NKAIN3: variants seen among roughly 807,000 people sequenced by gnomAD.
The protein encoded by NKAIN3 is sodium/potassium transporting ATPase interacting 3, also known as sodium/potassium-transporting ATPase subunit beta-1-interacting protein 3.
Under a neutral mutation model 30.2 loss-of-function variants are expected in NKAIN3, and 25 were observed. That is an observed-to-expected ratio of 0.83 (90% confidence interval 0.60 to 1.16). The LOEUF (loss-of-function observed/expected upper bound fraction) is 1.16. Among genes scored for constraint, NKAIN3 ranks in the 50% most tolerant of loss-of-function variants. The probability of loss-of-function intolerance (pLI) is 0.00; values close to 1 mark genes in which losing one functional copy is unlikely to be tolerated. For missense variants in NKAIN3, 225 were observed against 254.1 expected, an observed-to-expected ratio of 0.89 and a Z score of 0.78; for synonymous variants, 91 against 89.6, an observed-to-expected ratio of 1.02 and a Z score of -0.09.
At chr8:62,851,565 C>T (rs1819898967) in intron 4 of NKAIN3, among the ~76,000 whole-genome samples, 1 of 152,058 alleles carries the variant, frequency 6.6e-6, no homozygotes, top group Non-Finnish European at 1.5e-5. Context: ...CCAGGTTTTG[C>T]CCATTCAATA....
chr8:62,264,387 C>T (rs2129390593), intron 1 of NKAIN3, among the ~76,000 whole-genome samples: 1 of 152,246 alleles, frequency 6.6e-6, no homozygotes, highest in East Asian at 1.9e-4. Context: ...AGTTGGTATC[C>T]ATTAAAACAT....
chr8:62,621,991 G>A (rs1586018649), intron 3 of NKAIN3, among the ~76,000 whole-genome samples: 1 of 151,966 alleles, frequency 6.6e-6, no homozygotes, highest in African/African-American at 2.4e-5. Flanking sequence ...AACCAAAAAT[G>A]TATCCTACAT....
chr8:62,415,596 G>A (rs955023636), intron 1 of NKAIN3, among the ~76,000 whole-genome samples: 4 of 150,866 alleles, frequency 2.7e-5, no homozygotes, highest in Admixed American at 6.6e-5. Context: ...TACATATTAC[G>A]GATGATTTAA....
chr8:62,714,723 G>A (rs576811490), intron 3 of NKAIN3, among the ~76,000 whole-genome samples: 1 of 152,280 alleles, frequency 6.6e-6, no homozygotes, highest in African/African-American at 2.4e-5. Context: ...GTATGAAATA[G>A]GTGCAATTTT....
intron 1 of NKAIN3, among the ~76,000 whole-genome samples, chr8:62,276,129 G>A (rs926993482): frequency 9.2e-5 from 14 of 151,976 alleles, no homozygotes; most frequent in African/African-American, 1.7e-4. Context: ...GCAGTGGTGC[G>A]ATCTCAGCTC....
intron 4 of NKAIN3, among the ~76,000 whole-genome samples, chr8:62,911,714 C>T (rs2130850186): frequency 6.6e-6 from 1 of 152,100 alleles, no homozygotes; most frequent in South Asian, 2.1e-4. Context: ...CCCAAACTTA[C>T]TGAACTATTT....
intron 5 of NKAIN3, among the ~76,000 whole-genome samples, chr8:62,942,896 A>C (rs1190605817): frequency 6.6e-6 from 1 of 152,196 alleles, no homozygotes; most frequent in East Asian, 1.9e-4. Flanking sequence ...AAGATGAATC[A>C]AAGAATTAAA....
chr8:62,529,054 C>A (rs564190129), intron 1 of NKAIN3, among the ~76,000 whole-genome samples: 1 of 152,214 alleles, frequency 6.6e-6, no homozygotes, highest in South Asian at 2.1e-4. Flanking sequence ...AAGCAGCTCT[C>A]AATCTTTTTC....
chr8:62,307,310 C>A (rs1814278728), intron 1 of NKAIN3, among the ~76,000 whole-genome samples: 1 of 149,352 alleles, frequency 6.7e-6, no homozygotes. Flanking sequence ...GGAAATCAAG[C>A]CAAAATTCTA....
In NKAIN3 at chr8:62,932,583, G is replaced by A. The variant is rs180723472; in HGVS notation, c.532+14070G>A. Among the ~76,000 whole-genome samples the A allele has an allele frequency of 3.6e-4, 55 of 152,324 alleles. No individual in the cohort carries two copies. The East Asian group carries it at 6.0e-3, about 17-fold the overall frequency. On this transcript the variant is annotated intron_variant, in intron 5 of 6. Coordinates refer to ENST00000623646, the MANE Select transcript of NKAIN3 (RefSeq NM_001304533.3). ...CACCATAAAATATTTAGGAATGTTT[G>A]TGGAAAATCTGGATCAATCAGGAAG...
At chr8:62,524,119 G>A (rs1808232504) in intron 1 of NKAIN3, among the ~76,000 whole-genome samples, 1 of 151,710 alleles carries the variant, frequency 6.6e-6, no homozygotes, top group South Asian at 2.1e-4. Flanking sequence ...TAATGGCATT[G>A]ATAAAACCAC....
Position 62,966,027 on chromosome 8 carries a change from GT to G in NKAIN3, c.*625del. ...AAATTTTCAGATTCGTGCATATCTT[GT>G]TTTTCCTGATATATATATATATGTA... is the stretch of plus-strand genomic sequence containing the variant. On this transcript the variant is annotated 3_prime_UTR_variant, in exon 7 of 7. Coordinates refer to ENST00000623646, the MANE Select transcript of NKAIN3 (RefSeq NM_001304533.3). 1.0e-6 allele frequency: 1 copy of G among 984,406 alleles called. No individual in the cohort carries two copies. Among genetic ancestry groups the G allele is most frequent in the Non-Finnish European group, 1.2e-6 (1 of 829,240 alleles). 61.0% of individuals were successfully genotyped at this position (984,406 alleles called of 1,614,324 possible). A position where few individuals can be genotyped will look rare whatever the true frequency, so the allele number is the denominator to read the frequency against.
intron 1 of NKAIN3, among the ~76,000 whole-genome samples, chr8:62,328,955 T>A (rs1815242611): frequency 6.6e-6 from 1 of 152,128 alleles, no homozygotes; most frequent in East Asian, 1.9e-4. Flanking sequence ...ACTTCCAAGA[T>A]AGGTAGTAAA....
At chr8:62,383,839 T>C (rs1817346301) in intron 1 of NKAIN3, among the ~76,000 whole-genome samples, 1 of 152,032 alleles carries the variant, frequency 6.6e-6, no homozygotes, top group South Asian at 2.1e-4. Context: ...ACAAGGTTTT[T>C]TCACCTGCTG....
At chr8:62,493,663 G>GT (rs1159042514) in intron 1 of NKAIN3, among the ~76,000 whole-genome samples, 2 of 152,068 alleles carry the variant, frequency 1.3e-5, no homozygotes, top group African/African-American at 4.8e-5. Flanking sequence ...AGCATGGAAT[G>GT]TTTTTTCATT....
In NKAIN3 at chr8:62,983,944, C is replaced by T. The variant is rs959285784; in HGVS notation, c.*18537C>T. The T allele has an allele frequency of 6.6e-6, 1 of 152,076 alleles. No homozygotes were observed. 9.4% of individuals were successfully genotyped at this position (152,076 alleles called of 1,614,324 possible). A position where few individuals can be genotyped will look rare whatever the true frequency, so the allele number is the denominator to read the frequency against. ...CTTTGGACCCAGTTTGACTGGTTAG[C>T]GTTTAAATAAAACTTAACAGACTAG... On this transcript the variant is annotated 3_prime_UTR_variant, in exon 7 of 7. Transcript: ENST00000623646.
intron 1 of NKAIN3, among the ~76,000 whole-genome samples, chr8:62,496,995 A>T (rs1807263045): frequency 6.6e-6 from 1 of 151,942 alleles, no homozygotes; most frequent in African/African-American, 2.4e-5. Context: ...TCATTTATGA[A>T]CTCTTAATGA....
At chr8:62,541,786 C>A (rs1808848233) in intron 1 of NKAIN3, among the ~76,000 whole-genome samples, 2 of 151,916 alleles carry the variant, frequency 1.3e-5, no homozygotes, top group Non-Finnish European at 2.9e-5. Context: ...TAAAGGTAAT[C>A]TCTTATTTTT....
intron 1 of NKAIN3, among the ~76,000 whole-genome samples, chr8:62,542,849 A>G (rs1224247473): frequency 6.6e-6 from 1 of 152,166 alleles, no homozygotes; most frequent in Admixed American, 6.5e-5. Context: ...TTTTTCCCAC[A>G]TGCATATATA....
Sources: allele counts gnomAD v4.1 joint callset (sites outside exome capture counted in the v4.1 genomes callset), GRCh38; gene constraint gnomAD v4.1.1; transcripts MANE v1.5; gene names NCBI Gene and HGNC (gene_info 2026-07-23, HGNC 2026-07-21).